Variants in PAPPA2 observed in about 807,000 individuals in gnomAD.
PAPPA2 encodes the protein pappalysin 2.
In PAPPA2, 86 loss-of-function variants were observed where a neutral mutation model predicts 176.4. The ratio of observed to expected loss-of-function variants is 0.49; its 90% confidence interval spans 0.41 to 0.58. The LOEUF is 0.58. Among genes scored for constraint, PAPPA2 ranks in the 20% least tolerant of loss-of-function variants. The probability of loss-of-function intolerance (pLI) is 0.00; values close to 1 mark genes in which losing one functional copy is unlikely to be tolerated. For synonymous variants in PAPPA2, 809 were observed against 852.2 expected (o/e 0.95, Z 0.88); for missense variants, 2,073 against 2,256.9 (o/e 0.92, Z 1.65).
intron 2 of PAPPA2, among the ~76,000 whole-genome samples, chr1:176,589,857 T>C (rs979783915): frequency 6.6e-6 from 1 of 152,252 alleles, no homozygotes; most frequent in Admixed American, 6.5e-5. Context: ...TTTACTCTGC[T>C]AGACTGGGAA....
At chr1:176,571,461 A>G (rs916592368) in intron 2 of PAPPA2, among the ~76,000 whole-genome samples, 1 of 152,182 alleles carries the variant, frequency 6.6e-6, no homozygotes, top group South Asian at 2.1e-4. Context: ...AATACAAACT[A>G]TGTGTTGAGA....
chr1:176,525,845 G>A (rs1050067819), intron 1 of PAPPA2, among the ~76,000 whole-genome samples: 28 of 152,218 alleles, frequency 1.8e-4, no homozygotes, highest in Non-Finnish European at 2.8e-4. Context: ...TATTTCTTGC[G>A]TGTTCAATCT....
chr1:176,668,515 T>C (rs1658795722), intron 3 of PAPPA2, among the ~76,000 whole-genome samples: 1 of 152,210 alleles, frequency 6.6e-6, no homozygotes, highest in South Asian at 2.1e-4. Flanking sequence ...TTTTTTTTCC[T>C]CATCCTAAGC....
intron 2 of PAPPA2, among the ~76,000 whole-genome samples, chr1:176,557,554 C>T (rs897968030): frequency 1.3e-5 from 2 of 152,140 alleles, no homozygotes; most frequent in Non-Finnish European, 2.9e-5. Context: ...CTCCTTGGTT[C>T]TTTGCCAAAA....
chr1:176,465,031 C>A (rs555378604), intron 1 of PAPPA2, among the ~76,000 whole-genome samples: 1 of 152,278 alleles, frequency 6.6e-6, no homozygotes, highest in South Asian at 2.1e-4. Flanking sequence ...TGCATTTTCA[C>A]TTAAAATTGC....
At position 176,793,548 on chromosome 1, in the gene PAPPA2, C is replaced by G. The variant is rs770819862; in HGVS notation, c.5021-12C>G. The G allele has an allele frequency of 6.3e-7, 1 of 1,590,288 alleles. No homozygotes were observed. The highest frequency in any genetic ancestry group is 1.1e-5 in the South Asian group (1 of 90,084). ...AAGTTCAAGTCTCTGCTGTAAACTT[C>G]TGTTCTTTCAGGTGCAGTGTGTTCC... is the stretch of plus-strand genomic sequence containing the variant. On this transcript the variant is annotated splice_polypyrimidine_tract_variant and intron_variant, in intron 19 of 22. Transcript: ENST00000367662.
intron 1 of PAPPA2, among the ~76,000 whole-genome samples, chr1:176,545,583 A>T (rs925962676): frequency 6.6e-6 from 1 of 152,152 alleles, no homozygotes; most frequent in Non-Finnish European, 1.5e-5. Context: ...TCTGGAGATG[A>T]TTTAAAGCAT....
intron 14 of PAPPA2, among the ~76,000 whole-genome samples, chr1:176,762,772 T>C (rs1169561188): frequency 6.6e-6 from 1 of 152,210 alleles, no homozygotes; most frequent in Admixed American, 6.5e-5. Context: ...ACATTGCATA[T>C]CAGCATTGAA....
chr1:176,463,201 C>T lies in PAPPA2; in HGVS notation c.-1134C>T, dbSNP rs1029625720. 7.2e-5 allele frequency: 11 copies of T among 152,234 alleles called. No individual in the cohort carries two copies. Among genetic ancestry groups the T allele is most frequent in the African/African-American group, 2.7e-4 (11 of 41,468 alleles). 9.4% of individuals were successfully genotyped at this position (152,234 alleles called of 1,614,324 possible). A position where few individuals can be genotyped will look rare whatever the true frequency, so the allele number is the denominator to read the frequency against. On this transcript the variant is annotated 5_prime_UTR_variant, in exon 1 of 23. Transcript: ENST00000367662. ...TGACTCTCTCTCTTGAGTAGGCACA[C>T]ACTCCCTTTTCTCGGGTGTGTACTT...
At chr1:176,651,213 T>C (rs1404034479) in intron 3 of PAPPA2, among the ~76,000 whole-genome samples, 1 of 151,696 alleles carries the variant, frequency 6.6e-6, no homozygotes, top group Non-Finnish European at 1.5e-5. Context: ...GTATACTTAA[T>C]TTTAATAGTG....
chr1:176,496,408 A>G (rs1023304969), intron 1 of PAPPA2, among the ~76,000 whole-genome samples: 41 of 152,312 alleles, frequency 2.7e-4, no homozygotes, highest in Admixed American at 2.3e-3. Flanking sequence ...CCAAAATTCT[A>G]CAGGCAAAAA....
At chr1:176,707,921 C>T (rs185526319) in intron 10 of PAPPA2, among the ~76,000 whole-genome samples, 4 of 152,234 alleles carry the variant, frequency 2.6e-5, no homozygotes, top group Admixed American at 2.6e-4. Context: ...CTTATTTACC[C>T]CAAACTGTCA....
At chr1:176,535,734 G>C (rs1650036473) in intron 1 of PAPPA2, among the ~76,000 whole-genome samples, 1 of 152,176 alleles carries the variant, frequency 6.6e-6, no homozygotes, top group African/African-American at 2.4e-5. Flanking sequence ...AAAAGTTTGT[G>C]TCACTTCTCT....
intron 3 of PAPPA2, among the ~76,000 whole-genome samples, chr1:176,638,458 C>T (rs1269581283): frequency 1.3e-5 from 2 of 152,142 alleles, no homozygotes; most frequent in Admixed American, 6.6e-5. Context: ...GTTTAGCCAG[C>T]GTTTTCATTG....
intron 3 of PAPPA2, among the ~76,000 whole-genome samples, chr1:176,606,225 G>C (rs1290403866): frequency 6.6e-6 from 1 of 152,028 alleles, no homozygotes; most frequent in East Asian, 1.9e-4. Flanking sequence ...CTATCATTAT[G>C]CAATAGCAGA....
intron 16 of PAPPA2, 73 bp downstream of exon 16, chr1:176,769,857 CTT>C (rs1664145683): frequency 7.0e-6 from 10 of 1,425,664 alleles, no homozygotes; most frequent in Non-Finnish European, 9.5e-6. Context: ...CTTTGGGACT[CTT>C]TTCGTTACCC....
At chr1:176,721,205 G>A (rs917807640) in intron 12 of PAPPA2, among the ~76,000 whole-genome samples, 1 of 152,216 alleles carries the variant, frequency 6.6e-6, no homozygotes, top group African/African-American at 2.4e-5. Flanking sequence ...TAAGTGGTTA[G>A]TCTTGAGGTT....
intron 2 of PAPPA2, among the ~76,000 whole-genome samples, chr1:176,577,417 A>T (rs879470344): frequency 6.6e-6 from 1 of 152,180 alleles, no homozygotes. Context: ...CTGTAATGAG[A>T]AGGTGAAAAA....
chr1:176,670,408 T>C (rs1658924556), intron 3 of PAPPA2, among the ~76,000 whole-genome samples: 1 of 152,206 alleles, frequency 6.6e-6, no homozygotes, highest in South Asian at 2.1e-4. Context: ...ACAATTGTTA[T>C]GCCTTGCAGT....
Sources: gnomAD v4.1 joint callset for allele counts (sites outside exome capture counted in the v4.1 genomes callset) on GRCh38, gnomAD v4.1.1 for gene constraint, MANE v1.5 for transcripts, NCBI Gene and HGNC (gene_info 2026-07-23, HGNC 2026-07-21) for gene names.